Variants in KRT79 observed in about 807,000 individuals in gnomAD.
KRT79 encodes the protein keratin 79.
A neutral mutation model predicts 49.0 loss-of-function variants in KRT79; 51 were observed. The observed-to-expected ratio is 1.04, with a 90% CI of 0.83 to 1.31. The LOEUF is 1.31. KRT79 is among the 40% of genes most tolerant of loss of function. The pLI is 0.00. For synonymous variants in KRT79, 312 were observed against 286.6 expected, an observed-to-expected ratio of 1.09 and a Z score of -0.90; for missense variants, 728 against 688.0, an observed-to-expected ratio of 1.06 and a Z score of -0.65.
intron 6 of KRT79, 95 bp downstream of exon 6, chr12:52,823,792 C>G: frequency 2.2e-6 from 3 of 1,380,170 alleles, no homozygotes; most frequent in Non-Finnish European, 9.9e-7. Flanking sequence ...CTATTGTGTC[C>G]GTCAGGAGAA....
In KRT79 at chr12:52,823,086, T is replaced by A. The variant is rs1035786622; in HGVS notation, c.1297A>T (p.Met433Leu). ...TRLLRDYQEL[M>L]NVKLALDVEI... ...ACGTCCAGGGCCAGCTTGACATTCA[T>A]CAGCTCCTGGTAGTCACGCAGCAGC... The change falls in exon 7 of 9, where the codon ATG (methionine) becomes TTG (leucine). Residue 433 changes from methionine (M) to leucine (L), a missense_variant. Coordinates refer to ENST00000330553, the MANE Select transcript of KRT79 (RefSeq NM_175834.3). The A allele has an allele frequency of 4.3e-6, 7 of 1,614,058 alleles. No homozygotes were observed. The highest frequency in any genetic ancestry group is 5.9e-6 in the Non-Finnish European group (7 of 1,180,040).
intron 4 of KRT79, among the ~76,000 whole-genome samples, chr12:52,824,644 T>C (rs1396075270): frequency 6.6e-6 from 1 of 152,156 alleles, no homozygotes; most frequent in Non-Finnish European, 1.5e-5. Flanking sequence ...CTAACACTGG[T>C]GCCCGGCACT....
chr12:52,829,431 C>A (rs2121284929), intron 4 of KRT79, among the ~76,000 whole-genome samples: 1 of 152,312 alleles, frequency 6.6e-6, no homozygotes, highest in Non-Finnish European at 1.5e-5. Context: ...TTCTAGCATG[C>A]TTCTTCCTAG....
Position 52,834,018 on chromosome 12 carries a change from C to T in KRT79, c.243G>A (p.Leu81=), listed in dbSNP as rs778000385. The T allele has an allele frequency of 9.9e-6, 16 of 1,612,744 alleles. No homozygotes were observed. The highest frequency in any genetic ancestry group is 1.3e-5 in the African/African-American group (1 of 74,804). Residue 81 remains leucine, a synonymous_variant, in exon 1 of 9, where the codon TTG becomes TTA. Coordinates refer to ENST00000330553, the MANE Select transcript of KRT79 (RefSeq NM_175834.3). ...AGCCAAAGCCCCCCAGAGCCCGCCC[C>T]AACAAGGCCCCTCCGGCCACACTGA... ...ISVSVAGGAL[L]GRALGGFGFG... is the part of the protein sequence containing the mutation.
rs1367211011 is a variant in KRT79, at chr12:52,823,806, C to T, written c.1146+81G>A. The T allele has an allele frequency of 2.0e-6, 3 of 1,475,962 alleles. No individual in the cohort carries two copies. The South Asian group carries it at 3.8e-5, about 19-fold the overall frequency. The allele number at this position is 1,475,962 out of a possible 1,614,324, so 91.4% of individuals were successfully genotyped here. ...TCTATTGTGTCCGTCAGGAGAAGAG[C>T]AGGCCTAGCCCCTCGGGGTGACAAT... is the stretch of plus-strand genomic sequence containing the variant. On this transcript the variant is annotated intron_variant, in intron 6 of 8. Transcript: ENST00000330553.
In KRT79 at chr12:52,822,111, G is replaced by A. The variant is rs767858505; in HGVS notation, c.1403-34C>T. The A allele has an allele frequency of 3.1e-6, 5 of 1,606,494 alleles. No homozygotes were observed. The South Asian group carries it at 4.4e-5, about 14-fold the overall frequency. ...CAAAGGGTCTGGATTAGTCAGGGCG[G>A]CCATGCCAGAGAGGGCTGGGGGAGA... On this transcript the variant is annotated intron_variant, in intron 8 of 8. Coordinates refer to ENST00000330553, the MANE Select transcript of KRT79 (RefSeq NM_175834.3).
rs1940118926 is a variant in KRT79 at position 52,823,028 on chromosome 12, C to G, written c.1355G>C (p.Ser452Thr). The G allele has an allele frequency of 1.2e-6, 2 of 1,614,002 alleles. No individual in the cohort carries two copies. Among genetic ancestry groups the G allele is most frequent in the South Asian group, 1.1e-5 (1 of 91,078 alleles). Reference sequence around the variant, plus strand: ...GAGGGGCCACCACCTGCTCTCCTCGCTCTCCAGAAGCTTGCGGTAGGTGGC... The same window carrying G: ...GAGGGGCCACCACCTGCTCTCCTCGGTCTCCAGAAGCTTGCGGTAGGTGGC... ...EIATYRKLLE[S>T]EESRMSGECP... The change falls in exon 7 of 9, where the codon AGC (serine) becomes ACC (threonine). Residue 452 changes from serine to threonine, a missense_variant. Physicochemically the swap from Ser to Thr is moderately conservative, Grantham distance 58. Coordinates refer to ENST00000330553, the MANE Select transcript of KRT79 (RefSeq NM_175834.3).
In KRT79 at chr12:52,823,020, T is replaced by C. The variant is rs1265550034; in HGVS notation, c.1363A>G (p.Ser455Gly). The C allele has an allele frequency of 6.2e-7, 1 of 1,613,724 alleles. No homozygotes were observed. The highest frequency in any genetic ancestry group is 2.2e-5 in the East Asian group (1 of 44,826). Residue 455 changes from serine to glycine, a missense_variant, in exon 7 of 9, where the codon AGC becomes GGC. Transcript: ENST00000330553. ...TYRKLLESEE[S>G]RMSGECPSAV... The stretch of plus-strand genomic sequence containing the variant: ...TCGGGCAGGAGGGGCCACCACCTGC[T>C]CTCCTCGCTCTCCAGAAGCTTGCGG...
At chr12:52,828,590 G>A (rs891150399) in intron 4 of KRT79, among the ~76,000 whole-genome samples, 1 of 152,190 alleles carries the variant, frequency 6.6e-6, no homozygotes, top group Non-Finnish European at 1.5e-5. Flanking sequence ...AGGAAAGAAA[G>A]GGAATGGTTA....
At chr12:52,831,725 C>T in intron 1 of KRT79, 99 bp from the exon 2 acceptor site, 2 of 918,120 alleles carry the variant, frequency 2.2e-6, no homozygotes, top group Non-Finnish European at 1.7e-6. Context: ...GCCAGGGCAA[C>T]ATAGGGACGC....
intron 1 of KRT79, 117 bp from the exon 2 acceptor site, chr12:52,831,743 G>A (rs759229886): frequency 1.2e-4 from 88 of 764,552 alleles, no homozygotes; most frequent in Non-Finnish European, 1.6e-4. Flanking sequence ...CGCTGCAGCC[G>A]CACCTACACT....
At chr12:52,828,652 G>A (rs895597132) in intron 4 of KRT79, among the ~76,000 whole-genome samples, 10 of 152,214 alleles carry the variant, frequency 6.6e-5, no homozygotes, top group Non-Finnish European at 1.3e-4. Flanking sequence ...GAAGTTGGAG[G>A]AGAGTAGATA....
In KRT79 at chr12:52,831,455, C is replaced by A. The variant is rs140032117; in HGVS notation, c.649G>T (p.Asp217Tyr). The A allele has an allele frequency of 2.0e-4, 324 of 1,614,238 alleles. No individual in the cohort carries two copies. In the African/African-American group the frequency reaches 3.8e-3, roughly 19 times the overall value. The change falls in exon 2 of 9, where the codon GAC (aspartate) becomes TAC (tyrosine). Residue 217 changes from aspartate to tyrosine, a missense_variant. Transcript: ENST00000330553. ...TCCTGCACGTTCCTGAGCTCTGAGT[C>A]CAGCCTCCCCCGCTCGCTCTGAAGT... ...DRLQSERGRL[D>Y]SELRNVQDLV...
rs1369287900 is a variant in KRT79 at position 52,824,301 on chromosome 12, T to A, written c.917A>T (p.Asn306Ile). 2 of 1,614,184 alleles carry A rather than the reference T, an allele frequency of 1.2e-6. No homozygotes were observed. Among genetic ancestry groups the A allele is most frequent in the Admixed American group, 1.7e-5 (1 of 60,034 alleles). ...NTNVVLSMDN[N>I]RNLDLDSIIA... ...GATGCTGTCCAGGTCCAGGTTGCGG[T>A]TGTTGTCCATGGACAGCACCACATT... The change falls in exon 5 of 9, where the codon AAC becomes ATC. Residue 306 changes from asparagine (N) to isoleucine (I), a missense_variant. Coordinates refer to ENST00000330553, the MANE Select transcript of KRT79 (RefSeq NM_175834.3).
chr12:52,828,912 T>C lies in KRT79; in HGVS notation c.855+1111A>G, dbSNP rs574029750. ...CATCATCATGACTTCTAAAGGGCTA[T>C]CATGTGAAAGGCATAAGTCACAAGA... On this transcript the variant is annotated intron_variant, in intron 4 of 8. Transcript: ENST00000330553. 8.8e-4 allele frequency among the ~76,000 whole-genome samples: 134 copies of C among 152,258 alleles called. 1 individual carries two copies. Among genetic ancestry groups the C allele is most frequent in the African/African-American group, 3.1e-3 (129 of 41,534 alleles).
rs1167531949 is a variant in KRT79, at chr12:52,823,856, C to G, written c.1146+31G>C. On this transcript the variant is annotated intron_variant, in intron 6 of 8. Transcript: ENST00000330553. ...TGAGAAGGCCCTGCCAACACCTAGG[C>G]CAGACCCCCAAGCCCCCAGTAGAGT... The G allele has an allele frequency of 1.9e-6, 3 of 1,601,450 alleles. No individual in the cohort carries two copies. In the Admixed American group the frequency reaches 5.3e-5, roughly 28 times the overall value.
chr12:52,827,280 AC>A (rs1940189437), intron 4 of KRT79, among the ~76,000 whole-genome samples: 1 of 150,850 alleles, frequency 6.6e-6, no homozygotes, highest in Admixed American at 6.6e-5. Context: ...AGCTCTCATC[AC>A]TTGATAACCT....
At chr12:52,829,453 C>T (rs950635100) in intron 4 of KRT79, among the ~76,000 whole-genome samples, 26 of 152,314 alleles carry the variant, frequency 1.7e-4, no homozygotes, top group Middle Eastern at 3.4e-3. Context: ...TATGTGACCA[C>T]GAGCAACTCT....
chr12:52,822,941 C>G, intron 7 of KRT79, 75 bp downstream of exon 7: 1 of 1,466,268 alleles, frequency 6.8e-7, no homozygotes, highest in Non-Finnish European at 9.3e-7. Context: ...CTCTTGACCC[C>G]GGAGCAGACT....
Sources: gnomAD v4.1 joint callset for allele counts (sites outside exome capture counted in the v4.1 genomes callset) on GRCh38, gnomAD v4.1.1 for gene constraint, MANE v1.5 for transcripts, NCBI Gene and HGNC (gene_info 2026-07-23, HGNC 2026-07-21) for gene names.